The following NOTCH2 variants were observed in gnomAD, a reference collection of about 807,000 sequenced individuals.
NOTCH2 encodes the protein neurogenic locus notch homolog protein 2.
NOTCH2 carries 29 observed loss-of-function variants against 235.8 expected under a neutral mutation model. That is an observed-to-expected ratio of 0.12 (90% CI 0.09 to 0.17). NOTCH2 has a LOEUF of 0.17. Ranked by LOEUF, NOTCH2 falls within the 10% of genes least tolerant of loss-of-function variation. The probability of loss-of-function intolerance (pLI) is 1.00; values close to 1 mark genes in which losing one functional copy is unlikely to be tolerated. For missense variants in NOTCH2, 2,285 were observed against 3,150.2 expected, an observed-to-expected ratio of 0.73 and a Z score of 6.57; for synonymous variants, 1,086 against 1,141.5, an observed-to-expected ratio of 0.95 and a Z score of 0.98.
chr1:120,024,952 T>C (rs1382874868), intron 2 of NOTCH2, among the ~76,000 whole-genome samples: 11 of 150,696 alleles, frequency 7.3e-5, no homozygotes, highest in African/African-American at 2.7e-4. Flanking sequence ...AGAAGGGATA[T>C]AAGCCTCAGA....
At position 119,915,241 on chromosome 1, in the gene NOTCH2, C is replaced by T; in HGVS notation, c.*65G>A. 14 of 1,527,536 alleles carry T rather than the reference C, an allele frequency of 9.2e-6. No homozygotes were observed. Among genetic ancestry groups the T allele is most frequent in the East Asian group, 2.2e-5 (1 of 44,502 alleles). The allele number at this position is 1,527,536 out of a possible 1,614,324, so 94.6% of individuals were successfully genotyped here. ...TTTCTTCATTTCTCTCCCGGATGAC[C>T]TTCATTTGTTCCTCAGCAGCATTTA... On this transcript the variant is annotated 3_prime_UTR_variant, in exon 34 of 34. Coordinates refer to ENST00000256646, the MANE Select transcript of NOTCH2 (RefSeq NM_024408.4).
At chr1:120,031,139 G>C (rs1184932767) in intron 1 of NOTCH2, among the ~76,000 whole-genome samples, 1 of 150,966 alleles carries the variant, frequency 6.6e-6, no homozygotes, top group Non-Finnish European at 1.5e-5. Flanking sequence ...AATTGTGCAA[G>C]ATCAGAGAGA....
intron 3 of NOTCH2, among the ~76,000 whole-genome samples, chr1:120,004,551 G>A (rs1197259839): frequency 6.9e-6 from 1 of 145,158 alleles, no homozygotes; most frequent in Non-Finnish European, 1.5e-5. Flanking sequence ...GCTCAAAAGA[G>A]GGCGAAAAAC....
At chr1:119,991,879 A>G (rs1652263445) in intron 4 of NOTCH2, among the ~76,000 whole-genome samples, 1 of 134,202 alleles carries the variant, frequency 7.5e-6, no homozygotes, top group African/African-American at 3.4e-5. Flanking sequence ...CATGCCCCCA[A>G]GTGTGAGAAT....
intron 23 of NOTCH2, among the ~76,000 whole-genome samples, chr1:119,927,464 T>A (rs932655679): frequency 3.3e-5 from 5 of 152,018 alleles, no homozygotes; most frequent in African/African-American, 1.2e-4. Context: ...GGACCACCAG[T>A]CCCTTGCTGT....
At chr1:119,948,666 CACAG>C in intron 16 of NOTCH2, 100 bp from the exon 17 acceptor site, 1 of 1,371,052 alleles carries the variant, frequency 7.3e-7, no homozygotes, top group Non-Finnish European at 1.0e-6. Flanking sequence ...GGAGCTATTC[CACAG>C]ACAAACTGGT....
At chr1:119,916,723 T>A in intron 33 of NOTCH2, 29 bp from the exon 34 acceptor site, 5 of 1,609,932 alleles carry the variant, frequency 3.1e-6, no homozygotes, top group Non-Finnish European at 3.4e-6. Flanking sequence ...ACAGAACACA[T>A]GTTAATAACA....
intron 9 of NOTCH2, among the ~76,000 whole-genome samples, chr1:119,965,861 C>T (rs587597914): frequency 6.6e-6 from 1 of 152,240 alleles, no homozygotes; most frequent in African/African-American, 2.4e-5. Context: ...TCAGAGGCAA[C>T]AGAAACCTTC....
In NOTCH2 at chr1:119,935,621, A is replaced by G. The variant is rs781912789; in HGVS notation, c.3523-17T>C. On this transcript the variant is annotated splice_polypyrimidine_tract_variant and intron_variant, in intron 21 of 33. Coordinates refer to ENST00000256646, the MANE Select transcript of NOTCH2 (RefSeq NM_024408.4). ...TGGGACACACTGCCATGAGGAAACA[A>G]AAAGGACAAGAAATATTGGACCATT... is the stretch of plus-strand genomic sequence containing the variant. 2.7e-5 allele frequency: 43 copies of G among 1,613,768 alleles called. No individual in the cohort carries two copies. In the South Asian group the frequency reaches 4.4e-4, roughly 16 times the overall value.
Position 119,953,504 on chromosome 1 carries a change from A to C in NOTCH2, c.2365+39T>G, listed in dbSNP as rs7534586. 191,055 of 1,609,160 alleles carry C rather than the reference A, an allele frequency of 0.12. 13,970 individuals carry two copies. The highest frequency in any genetic ancestry group is 0.33 in the African/African-American group (24,419 of 74,646). On this transcript the variant is annotated intron_variant, in intron 14 of 33. Transcript: ENST00000256646. ...TCAAGCAGTATGCAACAACAAGAAG[A>C]CAAAGAGCAGACGCAGAAAGATGTA...
intron 5 of NOTCH2, among the ~76,000 whole-genome samples, chr1:119,973,326 A>C (rs1387409792): frequency 6.8e-6 from 1 of 147,248 alleles, no homozygotes; most frequent in Non-Finnish European, 1.5e-5. Context: ...AAACTTGCTT[A>C]TTCTAAAATT....
chr1:120,006,978 G>A (rs1690046), intron 2 of NOTCH2, among the ~76,000 whole-genome samples: 4 of 152,206 alleles, frequency 2.6e-5, no homozygotes, highest in South Asian at 2.1e-4. Flanking sequence ...AGAATTGTGC[G>A]GTAGCTAAAA....
At chr1:119,938,398 G>C (rs1649940187) in intron 19 of NOTCH2, among the ~76,000 whole-genome samples, 1 of 151,870 alleles carries the variant, frequency 6.6e-6, no homozygotes, top group Non-Finnish European at 1.5e-5. Flanking sequence ...AAATAAACAA[G>C]CTATACATTC....
chr1:120,010,381 T>C (rs1170344745), intron 2 of NOTCH2, among the ~76,000 whole-genome samples: 9 of 152,202 alleles, frequency 5.9e-5, no homozygotes, highest in Non-Finnish European at 1.0e-4. Flanking sequence ...ATCACCAGCC[T>C]CTGCTTGAAT....
At chr1:119,976,686 A>C (rs1210240958) in intron 5 of NOTCH2, among the ~76,000 whole-genome samples, 2 of 152,108 alleles carry the variant, frequency 1.3e-5, no homozygotes, top group Non-Finnish European at 2.9e-5. Flanking sequence ...ATTATTTTGC[A>C]TTTAGGATAA....
At chr1:120,067,879 GAAC>G (rs1553217371) in intron 1 of NOTCH2, among the ~76,000 whole-genome samples, 1 of 150,038 alleles carries the variant, frequency 6.7e-6, no homozygotes, top group African/African-American at 2.5e-5. Context: ...AGTTGGTGCT[GAAC>G]AACCCAGTAC....
At position 119,916,311 on chromosome 1, in the gene NOTCH2, C is replaced by G. The variant is rs1649067507; in HGVS notation, c.6411G>C (p.Glu2137Asp). 16 of 1,614,086 alleles carry G rather than the reference C, an allele frequency of 9.9e-6. No homozygotes were observed. Among genetic ancestry groups the G allele is most frequent in the Non-Finnish European group, 1.3e-5 (15 of 1,180,048 alleles). ...KGSRRKKSLS[E>D]KVQLSESSVT... ...CTGAACTCTCAGACAGTTGGACCTT[C>G]TCACTCAGAGACTTCTTCCTCCTAC... The change falls in exon 34 of 34, where the codon GAG becomes GAC. Residue 2137 changes from glutamate (E) to aspartate (D), a missense_variant. Glu to Asp is a conservative substitution (Grantham distance 45). Transcript: ENST00000256646.
At chr1:120,029,638 C>T (rs1425732103) in intron 2 of NOTCH2, among the ~76,000 whole-genome samples, 1 of 151,930 alleles carries the variant, frequency 6.6e-6, no homozygotes, top group Non-Finnish European at 1.5e-5. Context: ...CATGAGCCAC[C>T]ATGCCTGGTC....
chr1:119,952,526 A>G (rs1248059092), intron 14 of NOTCH2, among the ~76,000 whole-genome samples: 1 of 152,228 alleles, frequency 6.6e-6, no homozygotes, highest in Non-Finnish European at 1.5e-5. Context: ...GATTCTTATA[A>G]GGAGCGCACA....
Sources: allele counts gnomAD v4.1 joint callset (sites outside exome capture counted in the v4.1 genomes callset), GRCh38; gene constraint gnomAD v4.1.1; transcripts MANE v1.5; gene names NCBI Gene and HGNC (gene_info 2026-07-23, HGNC 2026-07-21).